Variants in NDRG3 observed in about 807,000 individuals in gnomAD.
NDRG3 encodes NDRG family member 3.
NDRG3 carries 23 observed loss-of-function variants against 57.2 expected under a neutral mutation model. That is an observed-to-expected ratio of 0.40 (90% CI 0.29 to 0.57). The LOEUF is 0.57. Among genes scored for constraint, NDRG3 ranks in the 20% least tolerant of loss-of-function variants. The pLI, the probability that NDRG3 is intolerant of heterozygous loss-of-function variation, is 0.42. For missense variants in NDRG3, 384 were observed against 457.3 expected, an observed-to-expected ratio of 0.84 and a Z score of 1.46; for synonymous variants, 132 against 162.6, an observed-to-expected ratio of 0.81 and a Z score of 1.43.
At chr20:36,694,354 G>GT (rs1358558019) in intron 3 of NDRG3, among the ~76,000 whole-genome samples, 8 of 152,172 alleles carry the variant, frequency 5.3e-5, no homozygotes, top group Non-Finnish European at 1.2e-4. Flanking sequence ...TAAAGTGTGC[G>GT]TATCACAGAA....
At position 36,653,828 on chromosome 20, in the gene NDRG3, T is replaced by C. The variant is rs1978421661; in HGVS notation, c.947-127A>G. 11 of 786,286 alleles carry C rather than the reference T, an allele frequency of 1.4e-5. No homozygotes were observed. Among genetic ancestry groups the C allele is most frequent in the Admixed American group, 5.5e-5 (2 of 36,658 alleles). The allele number at this position is 786,286 out of a possible 1,614,324, so 48.7% of individuals were successfully genotyped here. On this transcript the variant is annotated intron_variant, in intron 15 of 15. Transcript: ENST00000349004. The surrounding 1 kb of genome is among the most constrained non-coding windows in gnomAD (Gnocchi z 4.2). ...TTACCATGACACCCAGGACAAGATA[T>C]AGCCATCCCCATTTTGTATCATTTG...
intron 1 of NDRG3, among the ~76,000 whole-genome samples, chr20:36,738,860 A>G (rs1985753286): frequency 1.3e-5 from 2 of 149,532 alleles, no homozygotes; most frequent in Admixed American, 1.3e-4. Context: ...AGAGTGGCTC[A>G]TGCCTGTAAT....
intron 13 of NDRG3, among the ~76,000 whole-genome samples, chr20:36,659,564 A>G (rs1371035779): frequency 6.6e-6 from 1 of 152,174 alleles, no homozygotes; most frequent in African/African-American, 2.4e-5. Context: ...GTGTTTTACA[A>G]TGAGAACATA....
At chr20:36,666,780 TAAGAA>T (rs773696443) in intron 9 of NDRG3, among the ~76,000 whole-genome samples, 1 of 152,218 alleles carries the variant, frequency 6.6e-6, no homozygotes, top group Non-Finnish European at 1.5e-5. Flanking sequence ...AAAGATTAAG[TAAGAA>T]AAGTTATATA....
In NDRG3 at chr20:36,702,654, G is replaced by A. The variant is rs1044518359; in HGVS notation, c.93+4318C>T. Among the ~76,000 whole-genome samples the A allele has an allele frequency of 2.6e-5, 4 of 151,932 alleles. 1 individual carries two copies. Among genetic ancestry groups the A allele is most frequent in the Admixed American group, 2.0e-4 (3 of 15,230 alleles). On this transcript the variant is annotated intron_variant, in intron 3 of 15. Transcript: ENST00000349004. Reference sequence around the variant, plus strand: ...TTCTCCTGTCTCAGCCTCCCAAACAGCTGGGATTACAGGCACCTGCCACCA... The same window carrying A: ...TTCTCCTGTCTCAGCCTCCCAAACAACTGGGATTACAGGCACCTGCCACCA...
intron 3 of NDRG3, among the ~76,000 whole-genome samples, chr20:36,691,666 T>A (rs889996240): frequency 6.6e-6 from 1 of 152,060 alleles, no homozygotes; most frequent in Non-Finnish European, 1.5e-5. Flanking sequence ...TGAGCCGAAA[T>A]TGTGACACCA....
intron 8 of NDRG3, among the ~76,000 whole-genome samples, chr20:36,675,365 C>T (rs546833344): frequency 9.2e-5 from 11 of 119,806 alleles, no homozygotes; most frequent in East Asian, 2.6e-4. Flanking sequence ...TGGCCCGCAA[C>T]GGGCTACTTT....
rs572585665 is a variant in NDRG3, at chr20:36,734,206, C to CA, written c.-49+11838dup. On this transcript the variant is annotated intron_variant, in intron 1 of 15. Transcript: ENST00000349004. ...TGAGTGACAGAGCGAGACTCCGTCTCAAAAAAAAAAAAAGAGGTGACATGG... is the reference window on the plus strand; with the variant it reads ...TGAGTGACAGAGCGAGACTCCGTCTCAAAAAAAAAAAAAAGAGGTGACATGG... 4.6e-3 allele frequency among the ~76,000 whole-genome samples: 591 copies of CA among 128,086 alleles called. 3 individuals are homozygous for CA. The highest frequency in any genetic ancestry group is 0.012 in the African/African-American group (431 of 35,578). The allele number at this position is 128,086 out of a possible 152,430, so 84.0% of individuals were successfully genotyped here.
At chr20:36,720,885 C>A (rs372511998) in intron 2 of NDRG3, among the ~76,000 whole-genome samples, 2 of 151,682 alleles carry the variant, frequency 1.3e-5, no homozygotes, top group Non-Finnish European at 2.9e-5. Context: ...TAGCAATTCT[C>A]CTGCCTCAGC....
intron 1 of NDRG3, among the ~76,000 whole-genome samples, chr20:36,729,060 T>A (rs922928916): frequency 2.0e-5 from 3 of 152,172 alleles, no homozygotes; most frequent in Non-Finnish European, 4.4e-5. Flanking sequence ...TCAACTCATA[T>A]ACCATAATGT....
chr20:36,660,015 T>C (rs1979021537), intron 13 of NDRG3, among the ~76,000 whole-genome samples: 1 of 151,754 alleles, frequency 6.6e-6, no homozygotes, highest in Admixed American at 6.6e-5. Context: ...GAGACCACCC[T>C]GGCTAACACG....
At chr20:36,683,035 G>T (rs948141775) in intron 6 of NDRG3, among the ~76,000 whole-genome samples, 1 of 152,128 alleles carries the variant, frequency 6.6e-6, no homozygotes, top group Non-Finnish European at 1.5e-5. Context: ...GAAGTCAGGA[G>T]ATCGAGACCA....
At chr20:36,692,901 G>A (rs1223284088) in intron 3 of NDRG3, among the ~76,000 whole-genome samples, 2 of 149,346 alleles carry the variant, frequency 1.3e-5, no homozygotes, top group Non-Finnish European at 3.0e-5. Context: ...TAGCAAGACT[G>A]CATATCTACA....
chr20:36,709,900 G>T (rs141977919), intron 2 of NDRG3, among the ~76,000 whole-genome samples: 1 of 151,588 alleles, frequency 6.6e-6, no homozygotes, highest in East Asian at 1.9e-4. Context: ...TTAAAATTTT[G>T]GGTTAAAAAA....
At chr20:36,736,384 G>A (rs1254927231) in intron 1 of NDRG3, among the ~76,000 whole-genome samples, 1 of 152,196 alleles carries the variant, frequency 6.6e-6, no homozygotes, top group Admixed American at 6.5e-5. Flanking sequence ...AATGAGAAAA[G>A]AGGCCCAGAA....
intron 8 of NDRG3, among the ~76,000 whole-genome samples, chr20:36,679,732 G>C (rs931598563): frequency 6.6e-6 from 1 of 151,762 alleles, no homozygotes; most frequent in Non-Finnish European, 1.5e-5. Flanking sequence ...TTGAACTCCT[G>C]ACCTCAGGTG....
chr20:36,707,168 G>T (rs188797292), intron 2 of NDRG3, among the ~76,000 whole-genome samples, 161 bp from the exon 3 acceptor site: 50 of 152,340 alleles, frequency 3.3e-4, no homozygotes, highest in Non-Finnish European at 6.2e-4. Context: ...AGTGGGTTAT[G>T]AACATGTGTT....
intron 6 of NDRG3, among the ~76,000 whole-genome samples, chr20:36,683,412 G>A (rs1011924507): frequency 5.9e-5 from 9 of 151,378 alleles, no homozygotes; most frequent in Non-Finnish European, 7.4e-5. Flanking sequence ...TGAGGAGTTC[G>A]AGGTCAGCCT....
At chr20:36,696,039 T>C (rs1982755664) in intron 3 of NDRG3, among the ~76,000 whole-genome samples, 2 of 152,126 alleles carry the variant, frequency 1.3e-5, no homozygotes, top group South Asian at 4.1e-4. Flanking sequence ...TTAGGGAAAA[T>C]AGAAAAGAAC....
Sources: gnomAD v4.1 joint callset for allele counts (sites outside exome capture counted in the v4.1 genomes callset) on GRCh38, gnomAD v4.1.1 for gene constraint, Gnocchi (gnomAD v3.1) non-coding constraint, MANE v1.5 for transcripts, NCBI Gene and HGNC (gene_info 2026-07-23, HGNC 2026-07-21) for gene names.